The following CENPP variants were observed in gnomAD, a reference collection of about 807,000 sequenced individuals.
The protein encoded by CENPP is centromere protein P.
Under a neutral mutation model 35.6 loss-of-function variants are expected in CENPP, and 24 were observed. The observed-to-expected ratio is 0.67, with a 90% CI of 0.49 to 0.95. The LOEUF (loss-of-function observed/expected upper bound fraction) is 0.95. Ranked by LOEUF, CENPP falls within the 40% of genes least tolerant of loss-of-function variation. The probability of loss-of-function intolerance (pLI) is 0.00; values close to 1 mark genes in which losing one functional copy is unlikely to be tolerated. For synonymous variants in CENPP, 120 were observed against 125.5 expected, an observed-to-expected ratio of 0.96 and a Z score of 0.29; for missense variants, 332 against 345.3, an observed-to-expected ratio of 0.96 and a Z score of 0.31.
In CENPP at chr9:92,618,559, G is replaced by C. The variant is rs779134458; in HGVS notation, c.*5410G>C. The C allele has an allele frequency of 1.1e-5, 5 of 456,490 alleles. No individual in the cohort carries two copies. Among genetic ancestry groups the C allele is most frequent in the African/African-American group, 6.0e-5 (3 of 50,028 alleles). The allele number at this position is 456,490 out of a possible 1,614,324, so 28.3% of individuals were successfully genotyped here. A position where few individuals can be genotyped will look rare whatever the true frequency, so the allele number is the denominator to read the frequency against. On this transcript the variant is annotated 3_prime_UTR_variant, in exon 8 of 8. Transcript: ENST00000375587. ...GCTGCTGAACAGTGGTATCTTCGTG[G>C]GTTTTCTCTCATCGAACACCACCAG...
chr9:92,433,889 C>A (rs975256749), intron 5 of CENPP, among the ~76,000 whole-genome samples: 4 of 151,324 alleles, frequency 2.6e-5, no homozygotes, highest in African/African-American at 9.7e-5. Flanking sequence ...GCCAAGATCG[C>A]GCCATTGCAC....
At chr9:92,514,620 A>T (rs2131206543) in intron 5 of CENPP, 1 of 1,551,476 alleles carries the variant, frequency 6.4e-7, no homozygotes. Flanking sequence ...GCAGAAGTCA[A>T]CATCTCTTAC....
intron 5 of CENPP, among the ~76,000 whole-genome samples, chr9:92,569,257 A>G (rs1010666437): frequency 6.6e-6 from 1 of 152,222 alleles, no homozygotes; most frequent in African/African-American, 2.4e-5. Flanking sequence ...TAATTTTTGT[A>G]TAAGGTGTAA....
At chr9:92,561,167 C>G (rs1318617891) in intron 5 of CENPP, among the ~76,000 whole-genome samples, 1 of 152,122 alleles carries the variant, frequency 6.6e-6, no homozygotes, top group Non-Finnish European at 1.5e-5. Flanking sequence ...GAGCTCTTTC[C>G]TGAGCTTCAT....
chr9:92,350,437 G>A, intron 4 of CENPP, among the ~76,000 whole-genome samples: 1 of 152,302 alleles, frequency 6.6e-6, no homozygotes, highest in Non-Finnish European at 1.5e-5. Context: ...GCAAATGGAA[G>A]AATAAAGGAA....
Position 92,476,626 on chromosome 9 carries a change from G to C in CENPP, c.564+96767G>C, listed in dbSNP as rs1845723541. On this transcript the variant is annotated intron_variant, in intron 5 of 7. Transcript: ENST00000375587. This position sits in a 1 kb window ranked among gnomAD's most constrained non-coding sequence, Gnocchi z 4.1. Reference sequence around the variant, plus strand: ...TACAGGACAGATCTGAGAATGGCAAGAGTTTTTTATATTTTAATAATCCTA... The same window carrying C: ...TACAGGACAGATCTGAGAATGGCAACAGTTTTTTATATTTTAATAATCCTA... Among the ~76,000 whole-genome samples, 1 of 152,196 alleles carries C rather than the reference G, an allele frequency of 6.6e-6. No individual in the cohort carries two copies. Among genetic ancestry groups the C allele is most frequent in the South Asian group, 2.1e-4 (1 of 4,828 alleles).
Position 92,394,433 on chromosome 9 carries a change from A to G in CENPP, c.564+14574A>G, listed in dbSNP as rs1450740502. Among the ~76,000 whole-genome samples the G allele has an allele frequency of 3.1e-5, 4 of 129,222 alleles. No individual in the cohort carries two copies. The South Asian group carries it at 9.7e-4, about 31-fold the overall frequency. 84.8% of individuals were successfully genotyped at this position (129,222 alleles called of 152,430 possible). On this transcript the variant is annotated intron_variant, in intron 5 of 7. Coordinates refer to ENST00000375587, the MANE Select transcript of CENPP (RefSeq NM_001012267.3). Reference sequence around the variant, plus strand: ...ATTTTTTTTTTTTTTTTGAATTTTTAGTATAGACAAGGTTTCACCATGTTG... The same window carrying G: ...ATTTTTTTTTTTTTTTTGAATTTTTGGTATAGACAAGGTTTCACCATGTTG...
At chr9:92,495,715 T>G (rs41278705) in intron 5 of CENPP, 2 of 912,780 alleles carry the variant, frequency 2.2e-6, no homozygotes, top group African/African-American at 3.6e-5. Context: ...AACCATAATA[T>G]GATTTTCAAA....
chr9:92,414,064 G>A (rs1019532920), intron 5 of CENPP, among the ~76,000 whole-genome samples: 5 of 152,090 alleles, frequency 3.3e-5, no homozygotes, highest in African/African-American at 1.2e-4. Flanking sequence ...TATATCAAGA[G>A]AGTTCATCAC....
chr9:92,400,537 T>C (rs771826862), intron 5 of CENPP, among the ~76,000 whole-genome samples: 9 of 152,242 alleles, frequency 5.9e-5, no homozygotes, highest in Non-Finnish European at 8.8e-5. Flanking sequence ...TCATTTTCAT[T>C]TTATTTTAGA....
intron 5 of CENPP, chr9:92,500,839 A>G (rs750921084): frequency 2.5e-6 from 4 of 1,614,128 alleles, no homozygotes; most frequent in Non-Finnish European, 3.4e-6. Flanking sequence ...AGAGAATGAT[A>G]TGCCCCATAG....
chr9:92,353,483 G>A (rs528214430), intron 4 of CENPP, among the ~76,000 whole-genome samples: 19 of 152,306 alleles, frequency 1.2e-4, no homozygotes, highest in African/African-American at 4.3e-4. Flanking sequence ...AAGAGAAGCC[G>A]TAATGAATCT....
intron 5 of CENPP, 101 bp from the exon 6 acceptor site, chr9:92,611,213 C>G (rs1588318810): frequency 1.1e-6 from 1 of 933,700 alleles, no homozygotes; most frequent in African/African-American, 1.6e-5. Flanking sequence ...ACACTCGGAC[C>G]CTGATTTTCG....
rs1447880241 is a variant in CENPP at position 92,480,853 on chromosome 9, G to A, written c.564+100994G>A. 2.6e-5 allele frequency among the ~76,000 whole-genome samples: 4 copies of A among 151,150 alleles called. No homozygotes were observed. In the East Asian group the frequency reaches 7.7e-4, roughly 29 times the overall value. ...CCAAACCAAATTCAGATGTAATCAAGGCATAGTCTTGTAAGCTAACAAATG... is the reference window on the plus strand; with the variant it reads ...CCAAACCAAATTCAGATGTAATCAAAGCATAGTCTTGTAAGCTAACAAATG... On this transcript the variant is annotated intron_variant, in intron 5 of 7. Transcript: ENST00000375587.
chr9:92,535,398 T>A (rs570617015), intron 5 of CENPP, among the ~76,000 whole-genome samples: 2 of 152,188 alleles, frequency 1.3e-5, no homozygotes, highest in African/African-American at 4.8e-5. Context: ...AATCATAGTA[T>A]CATTTTTATC....
chr9:92,399,054 C>CAAAAAAAA (rs113748385), intron 5 of CENPP, among the ~76,000 whole-genome samples: 1 of 109,554 alleles, frequency 9.1e-6, no homozygotes. Flanking sequence ...GACTCTGTCT[C>CAAAAAAAA]AAAAAAAAAA....
chr9:92,468,833 A>G (rs937867606), intron 5 of CENPP, among the ~76,000 whole-genome samples: 1 of 152,160 alleles, frequency 6.6e-6, no homozygotes, highest in Non-Finnish European at 1.5e-5. Context: ...GCATTTCTCA[A>G]AGGAAATCAA....
At chr9:92,542,873 TTTTG>T (rs1849347624) in intron 5 of CENPP, among the ~76,000 whole-genome samples, 1 of 152,216 alleles carries the variant, frequency 6.6e-6, no homozygotes, top group East Asian at 1.9e-4. Context: ...CATTAATCTA[TTTTG>T]AGTTGATTTC....
chr9:92,562,293 CT>C (rs1849868047), intron 5 of CENPP, among the ~76,000 whole-genome samples: 1 of 151,114 alleles, frequency 6.6e-6, no homozygotes, highest in African/African-American at 2.4e-5. Context: ...CAACCTCTAC[CT>C]CCCAGGTTCA....
Sources: allele counts gnomAD v4.1 joint callset (sites outside exome capture counted in the v4.1 genomes callset), GRCh38; gene constraint gnomAD v4.1.1; non-coding constraint Gnocchi (gnomAD v3.1); transcripts MANE v1.5; gene names NCBI Gene and HGNC (gene_info 2026-07-23, HGNC 2026-07-21).